TNRC6A: variants seen among roughly 807,000 people sequenced by gnomAD.
The protein encoded by TNRC6A is trinucleotide repeat-containing gene 6A protein.
Under a neutral mutation model 221.2 loss-of-function variants are expected in TNRC6A, and 44 were observed. That is an observed-to-expected ratio of 0.20 (90% confidence interval 0.16 to 0.26). The LOEUF is 0.26. Ranked by LOEUF, TNRC6A falls within the 10% of genes least tolerant of loss-of-function variation. The pLI, the probability that TNRC6A is intolerant of heterozygous loss-of-function variation, is 1.00. For missense variants in TNRC6A, 2,199 were observed against 2,404.4 expected (o/e 0.91, Z 1.79); for synonymous variants, 847 against 838.5 (o/e 1.01, Z -0.18).
chr16:24,804,755 A>G lies in TNRC6A; in HGVS notation c.3888A>G (p.Gln1296=), dbSNP rs771060727. 3 of 1,608,826 alleles carry G rather than the reference A, an allele frequency of 1.9e-6. No individual in the cohort carries two copies. Among genetic ancestry groups the G allele is most frequent in the Non-Finnish European group, 2.5e-6 (3 of 1,178,974 alleles). ...ESQNMQFMSS[Q]SMKLPPSNSA... The stretch of plus-strand genomic sequence containing the variant: ...AAAACATGCAGTTTATGTCCAGTCA[A>G]AGCATGAAGCTTCCCCCTTCAAATA... The change falls in exon 13 of 25, where the codon CAA becomes CAG. Residue 1296 remains glutamine (Q), a synonymous_variant. Transcript: ENST00000395799.
At chr16:24,773,774 A>G (rs558824685) in intron 4 of TNRC6A, among the ~76,000 whole-genome samples, 1 of 151,414 alleles carries the variant, frequency 6.6e-6, no homozygotes, top group South Asian at 2.1e-4. Flanking sequence ...ATCCTTTATA[A>G]TGCTTTTCTC....
chr16:24,823,869 G>A lies in TNRC6A; in HGVS notation c.*62G>A. ...CGCGAGGGAAAGGAGCACTAAGTGG[G>A]GCTCGCCGCCTGCAGCCAGGGGCCG... On this transcript the variant is annotated 3_prime_UTR_variant, in exon 25 of 25. Coordinates refer to ENST00000395799, the MANE Select transcript of TNRC6A (RefSeq NM_014494.4). The surrounding 1 kb of genome is among the most constrained non-coding windows in gnomAD (Gnocchi z 4.3). 7.3e-7 allele frequency: 1 copy of A among 1,364,528 alleles called. No homozygotes were observed. Among genetic ancestry groups the A allele is most frequent in the Non-Finnish European group, 9.5e-7 (1 of 1,054,190 alleles). 84.5% of individuals were successfully genotyped at this position (1,364,528 alleles called of 1,614,324 possible).
intron 1 of TNRC6A, among the ~76,000 whole-genome samples, chr16:24,631,731 C>A (rs1367588823): frequency 6.6e-6 from 1 of 151,270 alleles, no homozygotes; most frequent in African/African-American, 2.4e-5. Context: ...AAGATTGTGC[C>A]ACTGCACTCC....
At chr16:24,640,417 A>G (rs1370524341) in intron 1 of TNRC6A, among the ~76,000 whole-genome samples, 2 of 150,832 alleles carry the variant, frequency 1.3e-5, no homozygotes, top group Non-Finnish European at 3.0e-5. Flanking sequence ...AGAAAGAAAA[A>G]AAAAAAAGGA....
At chr16:24,737,115 T>C (rs2056787252) in intron 2 of TNRC6A, among the ~76,000 whole-genome samples, 1 of 152,172 alleles carries the variant, frequency 6.6e-6, no homozygotes, top group South Asian at 2.1e-4. Flanking sequence ...ACAGGTGTTA[T>C]GAAGTGGTTT....
rs370728507 is a variant in TNRC6A at position 24,612,504 on chromosome 16, T to C, written n.276+2020T>C. ...GCTCATATCTGTAATCCCAGCACTT[T>C]GTGGGGCCTAGGCGGCTGGATTGCT... On this transcript the variant is annotated intron_variant and non_coding_transcript_variant, in intron 1 of 2. Coordinates refer to the TNRC6A transcript ENST00000566108. 1.1e-4 allele frequency among the ~76,000 whole-genome samples: 16 copies of C among 151,880 alleles called. No homozygotes were observed. The East Asian group carries it at 2.5e-3, about 24-fold the overall frequency.
chr16:24,680,974 G>T (rs985491919), intron 2 of TNRC6A, among the ~76,000 whole-genome samples: 24 of 151,114 alleles, frequency 1.6e-4, no homozygotes, highest in African/African-American at 5.8e-4. Context: ...TCACTGTATT[G>T]CCCAGGCTGA....
intron 2 of TNRC6A, among the ~76,000 whole-genome samples, chr16:24,684,741 G>C (rs768083044): frequency 6.6e-6 from 1 of 151,510 alleles, no homozygotes; most frequent in African/African-American, 2.4e-5. Flanking sequence ...AAGAGTTCGA[G>C]GTTACCGTGA....
intron 21 of TNRC6A, chr16:24,819,623 G>C (rs1330526048): frequency 6.1e-6 from 1 of 163,020 alleles, no homozygotes; most frequent in African/African-American, 2.5e-5. Context: ...GTCTTCAGTA[G>C]ACTGTGTCAG....
chr16:24,819,545 TGC>T (rs2058726813), intron 21 of TNRC6A: 1 of 145,176 alleles, frequency 6.9e-6, no homozygotes, highest in Non-Finnish European at 1.5e-5. Context: ...TTTTTTGTTT[TGC>T]CATACAGGCT....
At chr16:24,788,304 G>A (rs2058018537) in intron 5 of TNRC6A, among the ~76,000 whole-genome samples, 1 of 152,148 alleles carries the variant, frequency 6.6e-6, no homozygotes, top group Non-Finnish European at 1.5e-5. Flanking sequence ...GGTTAGGAAG[G>A]TAAATTAAGA....
At chr16:24,669,375 G>T (rs1430770358) in intron 2 of TNRC6A, among the ~76,000 whole-genome samples, 1 of 152,018 alleles carries the variant, frequency 6.6e-6, no homozygotes, top group Non-Finnish European at 1.5e-5. Flanking sequence ...TGTAGTCCCA[G>T]CTACTCAGGA....
chr16:24,663,678 C>T, intron 2 of TNRC6A: 1 of 329,452 alleles, frequency 3.0e-6, no homozygotes, highest in East Asian at 7.8e-5. Context: ...AGTCTCCCAG[C>T]AATGATGTGT....
intron 2 of TNRC6A, among the ~76,000 whole-genome samples, chr16:24,650,534 A>G (rs1432831070): frequency 1.3e-5 from 2 of 152,098 alleles, no homozygotes; most frequent in Non-Finnish European, 2.9e-5. Flanking sequence ...GCACGGTGGC[A>G]GGTGCCTGTA....
rs746587478 is a variant in TNRC6A at position 24,823,832 on chromosome 16, C to T, written c.*25C>T. 1.2e-5 allele frequency: 17 copies of T among 1,368,334 alleles called. No homozygotes were observed. The highest frequency in any genetic ancestry group is 2.3e-5 in the South Asian group (1 of 43,454). The allele number at this position is 1,368,334 out of a possible 1,614,324, so 84.8% of individuals were successfully genotyped here. ...ACAGTGTAGATGCAGACTCACCGAC[C>T]GGGACCTCAGACGCGAGGGAAAGGA... On this transcript the variant is annotated 3_prime_UTR_variant, in exon 25 of 25. Transcript: ENST00000395799. The surrounding 1 kb of genome is among the most constrained non-coding windows in gnomAD (Gnocchi z 4.3).
chr16:24,780,162 C>T lies in TNRC6A; in HGVS notation c.589+2804C>T, dbSNP rs552269822. On this transcript the variant is annotated intron_variant, in intron 5 of 24. Transcript: ENST00000395799. ...TATTTTTTATCCACCTGACATGATC[C>T]ATACAGAAAAATTAAGAAGACTAAC... 1.3e-3 allele frequency among the ~76,000 whole-genome samples: 202 copies of T among 152,266 alleles called. 1 individual carries two copies. Among genetic ancestry groups the T allele is most frequent in the African/African-American group, 4.5e-3 (186 of 41,536 alleles).
chr16:24,657,317 C>CAAAAA (rs56241898), intron 2 of TNRC6A, among the ~76,000 whole-genome samples: 31 of 88,148 alleles, frequency 3.5e-4, no homozygotes, highest in Non-Finnish European at 5.0e-4. Context: ...GACCCTATCT[C>CAAAAA]AAAAAAAAAA....
chr16:24,752,447 T>G (rs1327240309), intron 3 of TNRC6A, among the ~76,000 whole-genome samples: 1 of 152,168 alleles, frequency 6.6e-6, no homozygotes, highest in Non-Finnish European at 1.5e-5. Context: ...GCCACCTGCC[T>G]TTTGCTTGCT....
At chr16:24,635,269 GTTTA>G (rs1418681305) in intron 1 of TNRC6A, among the ~76,000 whole-genome samples, 4 of 149,220 alleles carry the variant, frequency 2.7e-5, no homozygotes, top group South Asian at 2.1e-4. Context: ...GATTCTGCAC[GTTTA>G]TTTATTTATT....
Sources: gnomAD v4.1 joint callset for allele counts (sites outside exome capture counted in the v4.1 genomes callset) on GRCh38, gnomAD v4.1.1 for gene constraint, Gnocchi (gnomAD v3.1) non-coding constraint, MANE v1.5 for transcripts, NCBI Gene and HGNC (gene_info 2026-07-23, HGNC 2026-07-21) for gene names.